The following CHRNA4 variants were observed in gnomAD, a reference collection of about 807,000 sequenced individuals.
The protein encoded by CHRNA4 is cholinergic receptor nicotinic alpha 4 subunit, also known as neuronal acetylcholine receptor subunit alpha-4.
Under a neutral mutation model 48.9 loss-of-function variants are expected in CHRNA4, and 28 were observed. That is an observed-to-expected ratio of 0.57 (90% confidence interval 0.42 to 0.79). CHRNA4 has a LOEUF of 0.79. Among genes scored for constraint, CHRNA4 ranks in the 30% least tolerant of loss-of-function variants. The pLI, the probability that CHRNA4 is intolerant of heterozygous loss-of-function variation, is 0.00. For missense variants in CHRNA4, 859 were observed against 898.4 expected, an observed-to-expected ratio of 0.96 and a Z score of 0.56; for synonymous variants, 425 against 402.3, an observed-to-expected ratio of 1.06 and a Z score of -0.68.
Position 63,356,434 on chromosome 20 carries a change from A to G in CHRNA4, c.229-19T>C. 1 of 1,592,966 alleles carries G rather than the reference A, an allele frequency of 6.3e-7. No individual in the cohort carries two copies. Among genetic ancestry groups the G allele is most frequent in the Non-Finnish European group, 8.5e-7 (1 of 1,170,390 alleles). Reference sequence around the variant, plus strand: ...TCTCATCCTAGGGCACCGAGAGAGGAAGGGGGCCAGTGACCCCTTGGTGTC... The same window carrying G: ...TCTCATCCTAGGGCACCGAGAGAGGGAGGGGGCCAGTGACCCCTTGGTGTC... On this transcript the variant is annotated intron_variant, in intron 2 of 5. Transcript: ENST00000370263.
In CHRNA4 at chr20:63,355,597, T is replaced by C. The variant is rs2273500; in HGVS notation, c.383+378A>G. 0.16 allele frequency: 203,660 copies of C among 1,305,208 alleles called. 17,164 individuals are homozygous for C. The highest frequency in any genetic ancestry group is 0.29 in the South Asian group (23,235 of 81,124). 80.9% of individuals were successfully genotyped at this position (1,305,208 alleles called of 1,614,324 possible). On this transcript the variant is annotated intron_variant, in intron 4 of 5. Coordinates refer to ENST00000370263, the MANE Select transcript of CHRNA4 (RefSeq NM_000744.7). The stretch of plus-strand genomic sequence containing the variant: ...CTGCCCAAAAGGGCTCTCCTGCAGC[T>C]GTCAAGGGTGGGGGCAAAGACGTCG...
At chr20:63,351,143 ATCCACG>A (rs2068595391) in intron 4 of CHRNA4, 116 bp from the exon 5 acceptor site, 1 of 810,652 alleles carries the variant, frequency 1.2e-6, no homozygotes, top group Non-Finnish European at 1.8e-6. Flanking sequence ...CCACGCCCAC[ATCCACG>A]TCCACGCCCA....
chr20:63,346,471 C>T lies in CHRNA4; in HGVS notation c.*267G>A. 1.6e-6 allele frequency: 1 copy of T among 636,430 alleles called. No individual in the cohort carries two copies. Among genetic ancestry groups the T allele is most frequent in the Non-Finnish European group, 2.9e-6 (1 of 344,414 alleles). The allele number at this position is 636,430 out of a possible 1,614,324, so 39.4% of individuals were successfully genotyped here. A position where few individuals can be genotyped will look rare whatever the true frequency, so the allele number is the denominator to read the frequency against. ...TGAACTGGACTTAGCCCGAGTCCTG[C>T]AGGTAGAAGGCGCCGACCCCCACCT... On this transcript the variant is annotated 3_prime_UTR_variant, in exon 6 of 6. Transcript: ENST00000370263.
chr20:63,345,215 AGGAATGAGACTCAGT>A lies in CHRNA4; in HGVS notation c.*1508_*1522del. On this transcript the variant is annotated 3_prime_UTR_variant, in exon 6 of 6. Transcript: ENST00000370263. This position sits in a 1 kb window ranked among gnomAD's most constrained non-coding sequence, Gnocchi z 5.4. The stretch of plus-strand genomic sequence containing the variant: ...CCAGGAGAGCTCGGCTCGGGGACAG[AGGAATGAGACTCAGT>A]GGGACGCAGAGCCCAACCCCATCCC... 2.2e-6 allele frequency: 1 copy of A among 446,214 alleles called. No homozygotes were observed. Among genetic ancestry groups the A allele is most frequent in the Non-Finnish European group, 4.5e-6 (1 of 220,602 alleles). The allele number at this position is 446,214 out of a possible 1,614,324, so 27.6% of individuals were successfully genotyped here. A position where few individuals can be genotyped will look rare whatever the true frequency, so the allele number is the denominator to read the frequency against.
chr20:63,359,911 G>GTGTGTGTGCCGGGCGTGCGCTGTGTGTA, intron 1 of CHRNA4: 1 of 518,636 alleles, frequency 1.9e-6, no homozygotes, highest in Admixed American at 3.2e-5. Context: ...GTGTGTGTGT[G>GTGTGTGTGCCGGGCGTGCGCTGTGTGTA]TGTGTGTGTG....
intron 5 of CHRNA4, among the ~76,000 whole-genome samples, chr20:63,348,782 T>C (rs1347772715): frequency 1.2e-5 from 1 of 81,608 alleles, no homozygotes; most frequent in East Asian, 3.7e-4. Context: ...CCGTGGACCC[T>C]GGCCCCTGTG....
intron 5 of CHRNA4, among the ~76,000 whole-genome samples, chr20:63,347,596 C>T (rs1402302780): frequency 2.6e-5 from 4 of 152,150 alleles, no homozygotes; most frequent in East Asian, 3.9e-4. Flanking sequence ...GGCCTGGAGT[C>T]GGGAAGCCAC....
chr20:63,347,677 C>T lies in CHRNA4; in HGVS notation c.1759-814G>A, dbSNP rs530497386. Among the ~76,000 whole-genome samples, 10 of 152,348 alleles carry T rather than the reference C, an allele frequency of 6.6e-5. No homozygotes were observed. In the South Asian group the frequency reaches 1.2e-3, roughly 19 times the overall value. On this transcript the variant is annotated intron_variant, in intron 5 of 5. Transcript: ENST00000370263. ...GCCACTGCCCTCGCCCCGGCTCCCC[C>T]GTCCCGCGTCTCTGGCTCTGCCGTG... is the stretch of plus-strand genomic sequence containing the variant.
intron 4 of CHRNA4, chr20:63,354,565 G>A: frequency 1.1e-6 from 1 of 873,890 alleles, no homozygotes. Context: ...GAGGGCCGTG[G>A]TCCTGGTGAG....
At chr20:63,347,458 G>A (rs906505094) in intron 5 of CHRNA4, among the ~76,000 whole-genome samples, 16 of 152,356 alleles carry the variant, frequency 1.1e-4, no homozygotes, top group African/African-American at 3.8e-4. Flanking sequence ...TATCTGAACG[G>A]GGACAGCGGG....
In CHRNA4 at chr20:63,343,263, C is replaced by CGG. The variant is rs2068433953; in HGVS notation, c.*3474_*3475insCC. ...TTATTCATTGAAGTCTGTGCACACA[C>CGG]TGGGAGCACATTCCAGGGCTTGGCA... On this transcript the variant is annotated 3_prime_UTR_variant, in exon 6 of 6. Transcript: ENST00000370263. 2.3e-6 allele frequency: 1 copy of CGG among 434,136 alleles called. No homozygotes were observed. Among genetic ancestry groups the CGG allele is most frequent in the African/African-American group, 2.0e-5 (1 of 49,486 alleles). The allele number at this position is 434,136 out of a possible 1,614,324, so 26.9% of individuals were successfully genotyped here.
At chr20:63,355,362 C>T (rs527569342) in intron 4 of CHRNA4, 4 of 481,456 alleles carry the variant, frequency 8.3e-6, no homozygotes, top group Middle Eastern at 3.7e-4. Context: ...TCCTAGGAGC[C>T]TGACATGGGC....
chr20:63,360,995 GA>G, intron 1 of CHRNA4, 94 bp downstream of exon 1: 1 of 1,076,102 alleles, frequency 9.3e-7, no homozygotes, highest in South Asian at 2.4e-5. Context: ...CGCGGCTTGG[GA>G]CCGCAGTCAG....
intron 1 of CHRNA4, chr20:63,359,948 G>A (rs1601496673): frequency 2.3e-6 from 1 of 430,180 alleles, no homozygotes; most frequent in African/African-American, 2.6e-5. Flanking sequence ...GGCGTGCGCT[G>A]ACCTCTCTTG....
chr20:63,346,919 G>A, intron 5 of CHRNA4, 56 bp from the exon 6 acceptor site: 2 of 1,609,182 alleles, frequency 1.2e-6, no homozygotes, highest in Non-Finnish European at 1.7e-6. Context: ...AGCGGGGACA[G>A]CCCTCAGGAC....
At position 63,346,327 on chromosome 20, in the gene CHRNA4, T is replaced by C. The variant is rs1333427871; in HGVS notation, c.*411A>G. 2.2e-6 allele frequency: 1 copy of C among 458,356 alleles called. No individual in the cohort carries two copies. The highest frequency in any genetic ancestry group is 6.8e-5 in the East Asian group (1 of 14,738). 28.4% of individuals were successfully genotyped at this position (458,356 alleles called of 1,614,324 possible). Reference sequence around the variant, plus strand: ...CCGGGCCTCCAGAAGACGGGGCGCTTGGGGCTGAAGGGGCGTGAACTCCCT... The same window carrying C: ...CCGGGCCTCCAGAAGACGGGGCGCTCGGGGCTGAAGGGGCGTGAACTCCCT... On this transcript the variant is annotated 3_prime_UTR_variant, in exon 6 of 6. Transcript: ENST00000370263.
chr20:63,346,492 C>G lies in CHRNA4; in HGVS notation c.*246G>C, dbSNP rs1381862177. On this transcript the variant is annotated 3_prime_UTR_variant, in exon 6 of 6. Transcript: ENST00000370263. ...CCTGCAGGTAGAAGGCGCCGACCCC[C>G]ACCTCTGCTCCAAGCCACTGCCTCC... 2 of 675,640 alleles carry G rather than the reference C, an allele frequency of 3.0e-6. No individual in the cohort carries two copies. Among genetic ancestry groups the G allele is most frequent in the Non-Finnish European group, 5.4e-6 (2 of 371,756 alleles). 41.9% of individuals were successfully genotyped at this position (675,640 alleles called of 1,614,324 possible).
chr20:63,358,410 C>T (rs568876028), intron 2 of CHRNA4, among the ~76,000 whole-genome samples: 6 of 152,336 alleles, frequency 3.9e-5, no homozygotes, highest in Non-Finnish European at 5.9e-5. Flanking sequence ...ACCAGCCTCC[C>T]AAAGAGAGGA....
At position 63,347,172 on chromosome 20, in the gene CHRNA4, T is replaced by C. The variant is rs6090380; in HGVS notation, c.1759-309A>G. ...TGCACTATGCCCTGTGTGCCCCCAC[T>C]TCTCAGCAGGCGGCCTGTGCTCCGG... On this transcript the variant is annotated intron_variant, in intron 5 of 5. Coordinates refer to ENST00000370263, the MANE Select transcript of CHRNA4 (RefSeq NM_000744.7). 0.87 allele frequency among the ~76,000 whole-genome samples: 131,985 copies of C among 152,202 alleles called. 58,711 individuals carry two copies. Among genetic ancestry groups the C allele is most frequent in the East Asian group, 1 (5,157 of 5,158 alleles).
Sources: gnomAD v4.1 joint callset for allele counts (sites outside exome capture counted in the v4.1 genomes callset) on GRCh38, gnomAD v4.1.1 for gene constraint, Gnocchi (gnomAD v3.1) non-coding constraint, MANE v1.5 for transcripts, NCBI Gene and HGNC (gene_info 2026-07-23, HGNC 2026-07-21) for gene names.